The following WFDC11 variants were observed in gnomAD, a reference collection of about 807,000 sequenced individuals.
The protein encoded by WFDC11 is protein WFDC11.
Under a neutral mutation model 9.9 loss-of-function variants are expected in WFDC11, and 9 were observed. That is an observed-to-expected ratio of 0.91 (90% confidence interval 0.55 to 1.58). The LOEUF is 1.58. WFDC11 is among the 40% of genes most tolerant of loss of function. The pLI is 0.00. For synonymous variants in WFDC11, 32 were observed against 33.3 expected (o/e 0.96, Z 0.13); for missense variants, 106 against 101.7 (o/e 1.04, Z -0.18).
At chr20:45,652,013 G>A (rs1350293049) in intron 2 of WFDC11, among the ~76,000 whole-genome samples, 2 of 152,212 alleles carry the variant, frequency 1.3e-5, no homozygotes, top group African/African-American at 4.8e-5. Context: ...CTGGGGGAGG[G>A]CATTGCCAAA....
At chr20:45,650,986 G>C (rs984244227) in intron 2 of WFDC11, among the ~76,000 whole-genome samples, 2 of 152,170 alleles carry the variant, frequency 1.3e-5, no homozygotes, top group Non-Finnish European at 2.9e-5. Context: ...TATCATGAGA[G>C]TTTGTTGTAC....
intron 2 of WFDC11, among the ~76,000 whole-genome samples, chr20:45,655,868 A>G (rs1982918546): frequency 1.3e-5 from 2 of 152,184 alleles, no homozygotes; most frequent in Admixed American, 6.5e-5. Flanking sequence ...GAGGAATCCA[A>G]CTTACAATGG....
intron 2 of WFDC11, among the ~76,000 whole-genome samples, chr20:45,663,758 G>C (rs533280313): frequency 2.0e-4 from 31 of 152,316 alleles, no homozygotes; most frequent in African/African-American, 7.0e-4. Flanking sequence ...TCTTAATCTT[G>C]AATTCTAATT....
intron 2 of WFDC11, among the ~76,000 whole-genome samples, chr20:45,662,949 A>C (rs1983103076): frequency 6.6e-6 from 1 of 152,214 alleles, no homozygotes. Context: ...TGAGTTAGGG[A>C]GGATTCCCTC....
At position 45,659,265 on chromosome 20, in the gene WFDC11, C is replaced by G. The variant is rs1983002122; in HGVS notation, c.-52+7823G>C. 4.6e-5 allele frequency among the ~76,000 whole-genome samples: 7 copies of G among 152,306 alleles called. No homozygotes were observed. The South Asian group carries it at 1.5e-3, about 32-fold the overall frequency. ...GCTGGGACAAATGATATTTCTAGTT[C>G]TAGATCCTTGAGGAATCACCACACT... On this transcript the variant is annotated intron_variant, in intron 2 of 4. Transcript: ENST00000324384.
chr20:45,669,895 T>C (rs6065858), intron 1 of WFDC11, among the ~76,000 whole-genome samples: 7,727 of 151,996 alleles, frequency 0.051, 267 homozygotes, highest in African/African-American at 0.093. Flanking sequence ...TGGTTCTTTG[T>C]AGAATAAATA....
chr20:45,653,945 C>T (rs956175286), intron 2 of WFDC11, among the ~76,000 whole-genome samples: 3 of 152,160 alleles, frequency 2.0e-5, no homozygotes, highest in African/African-American at 7.2e-5. Context: ...TCCTGAGTGA[C>T]CTACAAAGAG....
intron 3 of WFDC11, among the ~76,000 whole-genome samples, chr20:45,649,959 A>G (rs1600934978): frequency 6.6e-6 from 1 of 151,620 alleles, no homozygotes; most frequent in African/African-American, 2.4e-5. Context: ...TCATCATATG[A>G]CCCCCAAGGT....
At chr20:45,650,374 A>ATTCTCT in intron 3 of WFDC11, 127 bp downstream of exon 3, 1 of 685,206 alleles carries the variant, frequency 1.5e-6, no homozygotes, top group Non-Finnish European at 2.5e-6. Context: ...CAAAATTGTC[A>ATTCTCT]TTCTCTGATG....
chr20:45,659,118 G>T (rs1398585150), intron 2 of WFDC11, among the ~76,000 whole-genome samples: 1 of 152,182 alleles, frequency 6.6e-6, no homozygotes, highest in African/African-American at 2.4e-5. Flanking sequence ...ATCATTGATG[G>T]ACATTTGGGT....
At chr20:45,666,962 C>A (rs865919620) in intron 2 of WFDC11, 126 bp downstream of exon 2, 1 of 152,108 alleles carries the variant, frequency 6.6e-6, no homozygotes, top group Non-Finnish European at 1.5e-5. Context: ...ATAATTTATT[C>A]CATAGAGGGA....
intron 2 of WFDC11, among the ~76,000 whole-genome samples, chr20:45,652,320 C>T (rs375747656): frequency 6.6e-6 from 1 of 152,210 alleles, no homozygotes; most frequent in African/African-American, 2.4e-5. Flanking sequence ...CCCAGGCAAA[C>T]AGGGTCTGGA....
intron 2 of WFDC11, among the ~76,000 whole-genome samples, chr20:45,653,521 A>C (rs1037229656): frequency 3.9e-5 from 6 of 152,170 alleles, no homozygotes; most frequent in Non-Finnish European, 5.9e-5. Context: ...AAACTGCATC[A>C]ACTAACAAGC....
intron 3 of WFDC11, among the ~76,000 whole-genome samples, chr20:45,649,695 C>T (rs1409350060): frequency 2.0e-5 from 3 of 152,176 alleles, no homozygotes; most frequent in Non-Finnish European, 4.4e-5. Flanking sequence ...AAAACTCAGT[C>T]AACCCGGAGC....
intron 3 of WFDC11, among the ~76,000 whole-genome samples, chr20:45,650,252 A>G (rs1982775248): frequency 6.7e-6 from 1 of 149,344 alleles, no homozygotes; most frequent in Admixed American, 6.7e-5. Context: ...ATATATAGAG[A>G]GAGAGAGAGA....
chr20:45,650,791 T>C (rs899079758), intron 2 of WFDC11, 140 bp from the exon 3 acceptor site: 3 of 500,810 alleles, frequency 6.0e-6, no homozygotes, highest in Admixed American at 3.7e-5. Context: ...AAGCTGAGCG[T>C]TGGCTTTGCC....
intron 3 of WFDC11, 25 bp from the exon 4 acceptor site, chr20:45,649,424 A>G (rs746058267): frequency 1.2e-6 from 2 of 1,611,496 alleles, no homozygotes; most frequent in East Asian, 2.2e-5. Context: ...AGATGGTCAA[A>G]GGTTGATGGT....
At chr20:45,668,791 C>A (rs1045705575) in intron 1 of WFDC11, among the ~76,000 whole-genome samples, 1 of 152,118 alleles carries the variant, frequency 6.6e-6, no homozygotes, top group Non-Finnish European at 1.5e-5. Context: ...GTAGATTACT[C>A]TGCCAATTAA....
intron 2 of WFDC11, among the ~76,000 whole-genome samples, chr20:45,655,611 G>T (rs982974763): frequency 1.3e-5 from 2 of 152,066 alleles, no homozygotes; most frequent in Non-Finnish European, 2.9e-5. Context: ...GGAAATAAAT[G>T]GTATTCAGTT....
Sources: allele counts gnomAD v4.1 joint callset (sites outside exome capture counted in the v4.1 genomes callset), GRCh38; gene constraint gnomAD v4.1.1; transcripts MANE v1.5; gene names NCBI Gene and HGNC (gene_info 2026-07-23, HGNC 2026-07-21).